Variants in FAM135B observed in about 807,000 individuals in gnomAD.
FAM135B encodes family with sequence similarity 135 member B, also known as protein FAM135B.
A neutral mutation model predicts 127.7 loss-of-function variants in FAM135B; 43 were observed. That is an observed-to-expected ratio of 0.34 (90% CI 0.26 to 0.43). The LOEUF (loss-of-function observed/expected upper bound fraction) is 0.43, where lower values mean the gene tolerates loss of function less well. FAM135B is among the 20% of genes least tolerant of loss of function. The probability of loss-of-function intolerance (pLI) is 1.00; values close to 1 mark genes in which losing one functional copy is unlikely to be tolerated. For synonymous variants in FAM135B, 670 were observed against 665.1 expected, an observed-to-expected ratio of 1.01 and a Z score of -0.11; for missense variants, 1,558 against 1,725.6, an observed-to-expected ratio of 0.90 and a Z score of 1.72.
At chr8:138,299,504 A>C (rs1337847075) in intron 3 of FAM135B, among the ~76,000 whole-genome samples, 2 of 152,160 alleles carry the variant, frequency 1.3e-5, no homozygotes, top group African/African-American at 2.4e-5. Flanking sequence ...TGCCAACGGC[A>C]GGCTACCTGG....
intron 7 of FAM135B, among the ~76,000 whole-genome samples, chr8:138,215,732 C>T (rs746527460): frequency 1.3e-5 from 2 of 152,160 alleles, no homozygotes; most frequent in Non-Finnish European, 2.9e-5. Flanking sequence ...TCAGAAAGTA[C>T]AACTAAGGCA....
At chr8:138,402,989 C>A (rs1833235217) in intron 1 of FAM135B, among the ~76,000 whole-genome samples, 1 of 152,064 alleles carries the variant, frequency 6.6e-6, no homozygotes, top group African/African-American at 2.4e-5. Context: ...GAGGACACAG[C>A]AAAAAGACGG....
At chr8:138,202,793 G>GT (rs35874090) in intron 7 of FAM135B, among the ~76,000 whole-genome samples, 111,798 of 151,400 alleles carry the variant, frequency 0.74, 41,608 homozygotes, top group East Asian at 0.82. Flanking sequence ...CTCGGTGAAC[G>GT]TGTCTATGGA....
chr8:138,152,200 C>T lies in FAM135B; in HGVS notation c.2275G>A (p.Glu759Lys), dbSNP rs2130760406. 6.2e-7 allele frequency: 1 copy of T among 1,614,154 alleles called. No individual in the cohort carries two copies. Among genetic ancestry groups the T allele is most frequent in the Non-Finnish European group, 8.5e-7 (1 of 1,180,030 alleles). The change falls in exon 13 of 20, where the codon GAG becomes AAG. Residue 759 changes from glutamate (E) to lysine (K), a missense_variant. Physicochemically the swap from Glu to Lys is moderately conservative, Grantham distance 56 (BLOSUM62 1). This residue lies in a region of FAM135B where 923 missense variants were observed against 865.3 expected (regional missense o/e 1.07). Coordinates refer to ENST00000395297, the MANE Select transcript of FAM135B (RefSeq NM_015912.4). ...AACTTAGTGAGTGCCACCTCCCGCT[C>T]ATCCTCCTCAAAAGGTAAAGAGCTA... is the stretch of plus-strand genomic sequence containing the variant. ...SISSLPFEED[E>K]REVALTKLTK...
At chr8:138,487,876 C>T (rs946207237) in intron 1 of FAM135B, among the ~76,000 whole-genome samples, 3 of 152,034 alleles carry the variant, frequency 2.0e-5, no homozygotes, top group Admixed American at 2.0e-4. Flanking sequence ...TGGTGGTGGG[C>T]ACCTGGAATC....
intron 1 of FAM135B, chr8:138,439,733 A>G (rs1311505785): frequency 6.6e-6 from 1 of 152,124 alleles, no homozygotes; most frequent in Non-Finnish European, 1.5e-5. Flanking sequence ...TCTGCTAGGG[A>G]TGTATTATTG....
chr8:138,333,019 T>C (rs545615999), intron 2 of FAM135B, among the ~76,000 whole-genome samples: 1 of 152,126 alleles, frequency 6.6e-6, no homozygotes, highest in African/African-American at 2.4e-5. Flanking sequence ...GCTTGTATTT[T>C]AGATTAACAG....
Position 138,130,734 on chromosome 8 carries a change from C to A in FAM135B, c.*1859G>T, listed in dbSNP as rs771091570. On this transcript the variant is annotated 3_prime_UTR_variant, in exon 20 of 20. Transcript: ENST00000395297. Reference sequence around the variant, plus strand: ...AGGAAACACAATACCATGTGCTGCACGACTAGGGAACAAATGTCTCCCAGG... The same window carrying A: ...AGGAAACACAATACCATGTGCTGCAAGACTAGGGAACAAATGTCTCCCAGG... The A allele has an allele frequency of 6.6e-6, 1 of 152,174 alleles. No individual in the cohort carries two copies. The highest frequency in any genetic ancestry group is 1.5e-5 in the Non-Finnish European group (1 of 68,052). 9.4% of individuals were successfully genotyped at this position (152,174 alleles called of 1,614,324 possible). A position where few individuals can be genotyped will look rare whatever the true frequency, so the allele number is the denominator to read the frequency against.
intron 3 of FAM135B, among the ~76,000 whole-genome samples, chr8:138,304,799 A>G (rs1053900471): frequency 4.6e-5 from 7 of 152,186 alleles, no homozygotes; most frequent in African/African-American, 1.7e-4. Flanking sequence ...TCCCTGACAG[A>G]GCAGATTCCT....
intron 2 of FAM135B, among the ~76,000 whole-genome samples, chr8:138,335,915 C>T (rs1229660980): frequency 6.6e-6 from 1 of 152,160 alleles, no homozygotes; most frequent in African/African-American, 2.4e-5. Flanking sequence ...TCTCTCAGAC[C>T]ACAGTGCAAT....
intron 1 of FAM135B, among the ~76,000 whole-genome samples, chr8:138,478,147 C>T (rs936117449): frequency 2.0e-5 from 3 of 152,090 alleles, no homozygotes; most frequent in African/African-American, 7.2e-5. Flanking sequence ...GATGAAATCC[C>T]AACCCATCCC....
intron 5 of FAM135B, among the ~76,000 whole-genome samples, chr8:138,255,785 C>T (rs1822037505): frequency 1.3e-5 from 2 of 152,144 alleles, no homozygotes; most frequent in Admixed American, 6.5e-5. Context: ...AAGGAATTCA[C>T]AAGAACATCC....
intron 7 of FAM135B, among the ~76,000 whole-genome samples, chr8:138,226,184 T>TGTGTGTGTGTGTGCGTGCGCGCGC: frequency 1.4e-5 from 2 of 139,202 alleles, no homozygotes; most frequent in Non-Finnish European, 1.5e-5. Flanking sequence ...TGTGTGTGTG[T>TGTGTGTGTGTGTGCGTGCGCGCGC]GCGCGCATGT....
At chr8:138,143,320 C>T (rs1372387778) in intron 15 of FAM135B, among the ~76,000 whole-genome samples, 3 of 152,172 alleles carry the variant, frequency 2.0e-5, no homozygotes, top group African/African-American at 7.2e-5. Context: ...CAGGAACGCT[C>T]AGCTGGGAGG....
At chr8:138,326,313 A>G (rs915691933) in intron 2 of FAM135B, among the ~76,000 whole-genome samples, 4 of 152,176 alleles carry the variant, frequency 2.6e-5, no homozygotes, top group Non-Finnish European at 5.9e-5. Flanking sequence ...CTAGAGAGCC[A>G]ATATGAAACA....
At chr8:138,213,056 T>C (rs1031272469) in intron 7 of FAM135B, among the ~76,000 whole-genome samples, 2 of 152,342 alleles carry the variant, frequency 1.3e-5, no homozygotes, top group Non-Finnish European at 2.9e-5. Flanking sequence ...GAAATGAGCA[T>C]GAGCTCCACC....
chr8:138,196,436 T>G (rs1258430476), intron 8 of FAM135B, among the ~76,000 whole-genome samples: 1 of 152,214 alleles, frequency 6.6e-6, no homozygotes, highest in Non-Finnish European at 1.5e-5. Flanking sequence ...TATAACCCTG[T>G]ACCTACTCCT....
intron 1 of FAM135B, among the ~76,000 whole-genome samples, chr8:138,487,908 G>A (rs1815046197): frequency 1.3e-5 from 2 of 152,102 alleles, no homozygotes; most frequent in South Asian, 4.2e-4. Context: ...GGAGGCCGAG[G>A]CAGGAGAATC....
At chr8:138,173,822 C>A (rs1453981968) in intron 11 of FAM135B, among the ~76,000 whole-genome samples, 9 of 152,144 alleles carry the variant, frequency 5.9e-5, no homozygotes, top group Admixed American at 4.6e-4. Context: ...TTTTCCATCA[C>A]CACTTCCACA....
Sources: gnomAD v4.1 joint callset for allele counts (sites outside exome capture counted in the v4.1 genomes callset) on GRCh38, gnomAD v4.1.1 for gene constraint, gnomAD v4.1.1 regional missense constraint, MANE v1.5 for transcripts, NCBI Gene and HGNC (gene_info 2026-07-23, HGNC 2026-07-21) for gene names.